PRR11: variants seen among roughly 807,000 people sequenced by gnomAD.
The protein encoded by PRR11 is proline rich 11, also known as proline-rich protein 11.
PRR11 carries 30 observed loss-of-function variants against 45.6 expected under a neutral mutation model. The observed-to-expected ratio is 0.66, with a 90% CI of 0.49 to 0.89. The LOEUF (loss-of-function observed/expected upper bound fraction) is 0.89. PRR11 is among the 40% of genes least tolerant of loss of function. The pLI, the probability that PRR11 is intolerant of heterozygous loss-of-function variation, is 0.00. For synonymous variants in PRR11, 128 were observed against 153.5 expected, an observed-to-expected ratio of 0.83 and a Z score of 1.23; for missense variants, 373 against 424.8, an observed-to-expected ratio of 0.88 and a Z score of 1.07.
intron 2 of PRR11, among the ~76,000 whole-genome samples, chr17:59,183,355 G>A (rs1376707748): frequency 1.3e-5 from 2 of 152,066 alleles, no homozygotes; most frequent in Non-Finnish European, 2.9e-5. Flanking sequence ...GGGAGGGTGG[G>A]AAAGAAAACT....
At chr17:59,188,183 G>A (rs1238859984) in intron 4 of PRR11, among the ~76,000 whole-genome samples, 2 of 152,152 alleles carry the variant, frequency 1.3e-5, no homozygotes, top group African/African-American at 4.8e-5. Context: ...TATATTGGGA[G>A]GCAATTAGTA....
At position 59,201,958 on chromosome 17, in the gene PRR11, C is replaced by A; in HGVS notation, c.*327C>A. The A allele has an allele frequency of 2.1e-5, 5 of 236,590 alleles. No individual in the cohort carries two copies. The highest frequency in any genetic ancestry group is 8.6e-5 in the East Asian group (1 of 11,574). The allele number at this position is 236,590 out of a possible 1,614,324, so 14.7% of individuals were successfully genotyped here. ...TGCACTCCAGCCTGAGCAACAAGAG[C>A]AAAACAAAAACAAACAAACAAACAA... On this transcript the variant is annotated 3_prime_UTR_variant, in exon 10 of 10. Transcript: ENST00000262293.
intron 1 of PRR11, among the ~76,000 whole-genome samples, chr17:59,161,092 G>C (rs150877744): frequency 6.6e-6 from 1 of 151,962 alleles, no homozygotes. Flanking sequence ...TGAGAAAGCA[G>C]TGTAAGAAAA....
chr17:59,194,186 C>T (rs1286475869), intron 5 of PRR11, among the ~76,000 whole-genome samples: 1 of 150,906 alleles, frequency 6.6e-6, no homozygotes, highest in Non-Finnish European at 1.5e-5. Context: ...CAGGCATGAC[C>T]CTGTTTTAAA....
chr17:59,174,053 T>C lies in PRR11; in HGVS notation c.128+4173T>C, dbSNP rs1264859158. On this transcript the variant is annotated intron_variant, in intron 2 of 9. Coordinates refer to ENST00000262293, the MANE Select transcript of PRR11 (RefSeq NM_018304.4). ...ATTTTATCTCCTGTCCTTCATTCTA[T>C]AGCCTGCTTCTGAACCATCGTGTTC... Among the ~76,000 whole-genome samples, 3 of 152,210 alleles carry C rather than the reference T, an allele frequency of 2.0e-5. No homozygotes were observed. In the East Asian group the frequency reaches 5.8e-4, roughly 29 times the overall value.
At chr17:59,189,383 A>G (rs1214690400) in intron 4 of PRR11, among the ~76,000 whole-genome samples, 2 of 151,810 alleles carry the variant, frequency 1.3e-5, no homozygotes, top group Non-Finnish European at 2.9e-5. Flanking sequence ...GCCCAGGCTA[A>G]AGTGTAGTGG....
chr17:59,174,958 C>T (rs1232642265), intron 2 of PRR11: 1 of 875,552 alleles, frequency 1.1e-6, no homozygotes, highest in Non-Finnish European at 1.8e-6. Flanking sequence ...ACCCCGCCTA[C>T]CTCCTCCAAC....
rs143438461 is a variant in PRR11 at position 59,195,436 on chromosome 17, G to A, written c.850G>A (p.Val284Ile). The change falls in exon 7 of 10, where the codon GTC becomes ATC. Residue 284 changes from valine (V) to isoleucine (I), a missense_variant. Transcript: ENST00000262293. ...SKVLSTRVTN[V>I]LITPGKSQMD... ...AGTGTTATCGACTCGAGTTACAAAC[G>A]TCTTAATGTAAGGAACTGCACAGTA... 15 of 1,597,602 alleles carry A rather than the reference G, an allele frequency of 9.4e-6. No homozygotes were observed. Among genetic ancestry groups the A allele is most frequent in the East Asian group, 2.2e-5 (1 of 44,812 alleles).
rs1293963548 is a variant in PRR11, at chr17:59,176,674, G to T, written c.128+6794G>T. 1.1e-3 allele frequency among the ~76,000 whole-genome samples: 114 copies of T among 107,506 alleles called. 1 individual carries two copies. Among genetic ancestry groups the T allele is most frequent in the East Asian group, 2.9e-3 (11 of 3,846 alleles). The allele number at this position is 107,506 out of a possible 152,430, so 70.5% of individuals were successfully genotyped here. A position where few individuals can be genotyped will look rare whatever the true frequency, so the allele number is the denominator to read the frequency against. On this transcript the variant is annotated intron_variant, in intron 2 of 9. Coordinates refer to ENST00000262293, the MANE Select transcript of PRR11 (RefSeq NM_018304.4). ...ATTTGTACACTGGCGTTGGAATTTG[G>T]TTTTTTTGGCTTTTTTTTTTTTTTT...
At chr17:59,186,886 C>T (rs2147850433) in intron 4 of PRR11, among the ~76,000 whole-genome samples, 1 of 152,302 alleles carries the variant, frequency 6.6e-6, no homozygotes, top group South Asian at 2.1e-4. Flanking sequence ...ACACAGCATT[C>T]ACCTAAATAC....
intron 1 of PRR11, among the ~76,000 whole-genome samples, chr17:59,165,557 C>T (rs987731415): frequency 1.1e-4 from 17 of 152,044 alleles, no homozygotes; most frequent in Non-Finnish European, 2.2e-4. Flanking sequence ...CTTTGGGAGG[C>T]CAAGGCAGGC....
intron 9 of PRR11, among the ~76,000 whole-genome samples, chr17:59,199,303 C>T (rs1244021007): frequency 6.6e-6 from 1 of 152,054 alleles, no homozygotes; most frequent in African/African-American, 2.4e-5. Flanking sequence ...GAACAAAATT[C>T]GTAAGAGTTC....
chr17:59,204,920 C>G lies in PRR11; in HGVS notation c.*3289C>G, dbSNP rs2046911139. On this transcript the variant is annotated 3_prime_UTR_variant, in exon 10 of 10. Transcript: ENST00000262293. ...ATGTGTGCCTGTAGTCCCAGCTACT[C>G]AGGAGACTGAGGTGGGAGAATCACT... 6.6e-6 allele frequency among the ~76,000 whole-genome samples: 1 copy of G among 151,958 alleles called. No homozygotes were observed. Among genetic ancestry groups the G allele is most frequent in the Non-Finnish European group, 1.5e-5 (1 of 67,992 alleles).
At chr17:59,165,004 G>A (rs951201828) in intron 1 of PRR11, among the ~76,000 whole-genome samples, 6 of 151,862 alleles carry the variant, frequency 4.0e-5, no homozygotes, top group African/African-American at 1.4e-4. Flanking sequence ...TTTATCTTGC[G>A]TTTTTGTTTT....
chr17:59,169,853 C>T lies in PRR11; in HGVS notation c.101C>T (p.Pro34Leu). 1 of 1,609,558 alleles carries T rather than the reference C, an allele frequency of 6.2e-7. No individual in the cohort carries two copies. The highest frequency in any genetic ancestry group is 1.7e-4 in the Middle Eastern group (1 of 6,044). Residue 34 changes from proline to leucine, a missense_variant, in exon 2 of 10, where the codon CCT becomes CTT. Physicochemically the swap from Pro to Leu is moderately conservative, Grantham distance 98. Coordinates refer to ENST00000262293, the MANE Select transcript of PRR11 (RefSeq NM_018304.4). ...CACTTTCAGTCCAAGCTAATTACAC[C>T]TCCTCCTCCACCACCCTCACCAGAA... ...ASHFQSKLIT[P>L]PPPPPSPERV...
intron 2 of PRR11, chr17:59,181,811 CGA>C: frequency 6.5e-7 from 1 of 1,527,490 alleles, no homozygotes; most frequent in East Asian, 2.3e-5. Flanking sequence ...ACCCCGACCC[CGA>C]CCCCAACCCC....
At chr17:59,186,381 A>ATTTT (rs59082405) in intron 4 of PRR11, among the ~76,000 whole-genome samples, 899 of 84,604 alleles carry the variant, frequency 0.011, 70 homozygotes, top group Non-Finnish European at 0.014. Context: ...GCTGTTTGTA[A>ATTTT]TTTTTTTTTT....
intron 2 of PRR11, 126 bp from the exon 3 acceptor site, chr17:59,184,928 C>T (rs1264864506): frequency 4.5e-6 from 2 of 447,428 alleles, no homozygotes; most frequent in Non-Finnish European, 6.9e-6. Flanking sequence ...AACTCCTGGT[C>T]TCAAGCAATC....
intron 1 of PRR11, among the ~76,000 whole-genome samples, chr17:59,168,726 T>A (rs544354631): frequency 6.6e-6 from 1 of 152,258 alleles, no homozygotes; most frequent in South Asian, 2.1e-4. Flanking sequence ...AAAACACTCA[T>A]GTCTTAGATT....
Sources: allele counts gnomAD v4.1 joint callset (sites outside exome capture counted in the v4.1 genomes callset), GRCh38; gene constraint gnomAD v4.1.1; transcripts MANE v1.5; gene names NCBI Gene and HGNC (gene_info 2026-07-23, HGNC 2026-07-21).